Variants in SMARCA4 observed in about 807,000 individuals in gnomAD.
SMARCA4 encodes SWI/SNF related BAF chromatin remodeling complex subunit ATPase 4, also known as SWI/SNF-related matrix-associated actin-dependent regulator of chromatin subfamily A member 4.
SMARCA4 carries 31 observed loss-of-function variants against 193.9 expected under a neutral mutation model. That is an observed-to-expected ratio of 0.16 (90% CI 0.12 to 0.22). The LOEUF (loss-of-function observed/expected upper bound fraction) is 0.22. Among genes scored for constraint, SMARCA4 ranks in the 10% least tolerant of loss-of-function variants. The pLI, the probability that SMARCA4 is intolerant of heterozygous loss-of-function variation, is 1.00. For synonymous variants in SMARCA4, 942 were observed against 933.1 expected, an observed-to-expected ratio of 1.01 and a Z score of -0.17; for missense variants, 1,148 against 2,296.0, an observed-to-expected ratio of 0.50 and a Z score of 10.22.
chr19:10,989,468 T>G (rs1338442857), intron 7 of SMARCA4, 25 bp downstream of exon 7: 1 of 1,613,288 alleles, frequency 6.2e-7, no homozygotes, highest in South Asian at 1.1e-5. Flanking sequence ...GGCCGCAGCT[T>G]TCCGAAAAGG....
intron 14 of SMARCA4, among the ~76,000 whole-genome samples, chr19:11,009,889 A>G (rs1812621410): frequency 6.6e-6 from 1 of 152,108 alleles, no homozygotes; most frequent in African/African-American, 2.4e-5. Flanking sequence ...GGGTTTCACC[A>G]TGTTGGCCAG....
chr19:10,997,197 A>T lies in SMARCA4; in HGVS notation c.1812+653A>T, dbSNP rs561942933. On this transcript the variant is annotated intron_variant, in intron 11 of 34. Coordinates refer to ENST00000344626, the MANE Select transcript of SMARCA4 (RefSeq NM_003072.5). ...ACCACGCCCATTTAATTTTATTTTTATTTATTTATTTATTTATTTTAGACG... is the reference window on the plus strand; with the variant it reads ...ACCACGCCCATTTAATTTTATTTTTTTTTATTTATTTATTTATTTTAGACG... Among the ~76,000 whole-genome samples the T allele has an allele frequency of 5.3e-5, 8 of 150,704 alleles. No homozygotes were observed. In the South Asian group the frequency reaches 1.7e-3, roughly 32 times the overall value.
At chr19:10,996,640 C>A in intron 11 of SMARCA4, 96 bp downstream of exon 11, 1 of 1,166,628 alleles carries the variant, frequency 8.6e-7, no homozygotes, top group Non-Finnish European at 1.3e-6. Flanking sequence ...AAATTACGAA[C>A]AATGATATGT....
chr19:10,969,955 CT>C (rs1431234922), intron 1 of SMARCA4, among the ~76,000 whole-genome samples: 2 of 152,242 alleles, frequency 1.3e-5, no homozygotes, highest in Admixed American at 6.5e-5. Flanking sequence ...GACTTCTCCC[CT>C]ATGCCCCACC....
chr19:11,042,100 A>G (rs1317261653), intron 30 of SMARCA4, among the ~76,000 whole-genome samples: 1 of 152,126 alleles, frequency 6.6e-6, no homozygotes, highest in Non-Finnish European at 1.5e-5. Context: ...GATGGTGGCC[A>G]CACTCCTGCT....
At chr19:11,044,224 G>A (rs988072311) in intron 30 of SMARCA4, among the ~76,000 whole-genome samples, 4 of 152,070 alleles carry the variant, frequency 2.6e-5, no homozygotes, top group Non-Finnish European at 5.9e-5. Context: ...TTGGATCCAC[G>A]TGACATGGAC....
chr19:11,034,355 C>T lies in SMARCA4; in HGVS notation c.3951+155C>T, dbSNP rs755115238. 1.4e-4 allele frequency among the ~76,000 whole-genome samples: 21 copies of T among 152,146 alleles called. No individual in the cohort carries two copies. Among genetic ancestry groups the T allele is most frequent in the Admixed American group, 4.6e-4 (7 of 15,272 alleles). ...GCCCACTCCCACCTCCAGACTGACC[C>T]GTCTTCCACCCCCAGTCTCCTGAGG... On this transcript the variant is annotated intron_variant, in intron 28 of 34. Coordinates refer to ENST00000344626, the MANE Select transcript of SMARCA4 (RefSeq NM_003072.5). The surrounding 1 kb of genome is among the most constrained non-coding windows in gnomAD (Gnocchi z 7.0).
chr19:11,004,241 T>TGCTGAC (rs1325601722), intron 13 of SMARCA4, among the ~76,000 whole-genome samples: 2 of 144,886 alleles, frequency 1.4e-5, no homozygotes, highest in Non-Finnish European at 3.0e-5. Flanking sequence ...GGTCTTGAAC[T>TGCTGAC]CTTGACTGGT....
chr19:11,057,012 A>T (rs988599492), intron 30 of SMARCA4, among the ~76,000 whole-genome samples: 1 of 152,210 alleles, frequency 6.6e-6, no homozygotes, highest in Non-Finnish European at 1.5e-5. Context: ...TCTGGGAAAG[A>T]ACATAAGGAA....
intron 11 of SMARCA4, among the ~76,000 whole-genome samples, chr19:11,000,517 A>G (rs1477442048): frequency 1.3e-5 from 2 of 151,904 alleles, no homozygotes; most frequent in African/African-American, 4.8e-5. Flanking sequence ...GCTTTTTATT[A>G]CTTGAGACAG....
intron 1 of SMARCA4, among the ~76,000 whole-genome samples, chr19:10,965,058 A>C (rs531962644): frequency 3.3e-5 from 5 of 152,256 alleles, no homozygotes; most frequent in Admixed American, 1.3e-4. Context: ...CTGCCATGGC[A>C]CAGAAGGACC....
chr19:10,969,955 C>T (rs1568395154), intron 1 of SMARCA4, among the ~76,000 whole-genome samples: 1 of 152,242 alleles, frequency 6.6e-6, no homozygotes, highest in East Asian at 1.9e-4. Context: ...GACTTCTCCC[C>T]TATGCCCCAC....
At chr19:10,975,318 CTTTTTTT>C (rs372249804) in intron 1 of SMARCA4, among the ~76,000 whole-genome samples, 1 of 107,466 alleles carries the variant, frequency 9.3e-6, no homozygotes, top group African/African-American at 3.5e-5. Context: ...TCCAACCTTA[CTTTTTTT>C]TTTTTTTTTT....
intron 19 of SMARCA4, among the ~76,000 whole-genome samples, chr19:11,023,143 C>G (rs911926787): frequency 1.3e-5 from 2 of 152,142 alleles, no homozygotes; most frequent in Non-Finnish European, 1.5e-5. Flanking sequence ...TCAGCCTGGC[C>G]CCTGCAGCGC....
At chr19:11,001,042 G>A (rs558529483) in intron 11 of SMARCA4, among the ~76,000 whole-genome samples, 1 of 152,014 alleles carries the variant, frequency 6.6e-6, no homozygotes, top group African/African-American at 2.4e-5. Flanking sequence ...TAGTCACCTG[G>A]GGAGCTCTCT....
chr19:11,028,092 G>C (rs1444938787), intron 24 of SMARCA4, 142 bp downstream of exon 24: 27 of 901,780 alleles, frequency 3.0e-5, no homozygotes, highest in Non-Finnish European at 4.8e-5. Context: ...CCTAGCCACA[G>C]GCTGAGCATC....
intron 16 of SMARCA4, 87 bp from the exon 17 acceptor site, chr19:11,018,870 C>T (rs1303660232): frequency 1.4e-5 from 15 of 1,109,722 alleles, no homozygotes; most frequent in South Asian, 3.7e-5. Flanking sequence ...ATGTTGGCCT[C>T]GCCCCTGACA....
chr19:10,963,501 C>G (rs938895985), intron 1 of SMARCA4, among the ~76,000 whole-genome samples: 1 of 151,964 alleles, frequency 6.6e-6, no homozygotes, highest in African/African-American at 2.4e-5. Flanking sequence ...CTCAGTTGTC[C>G]TCATCTCCCC....
intron 1 of SMARCA4, among the ~76,000 whole-genome samples, chr19:10,971,664 C>G (rs1388498210): frequency 1.3e-5 from 2 of 152,062 alleles, no homozygotes; most frequent in African/African-American, 4.8e-5. Context: ...GACGAGGTTT[C>G]ACCGTGTTGC....
Sources: gnomAD v4.1 joint callset for allele counts (sites outside exome capture counted in the v4.1 genomes callset) on GRCh38, gnomAD v4.1.1 for gene constraint, Gnocchi (gnomAD v3.1) non-coding constraint, MANE v1.5 for transcripts, NCBI Gene and HGNC (gene_info 2026-07-23, HGNC 2026-07-21) for gene names.